CHST8: variants seen among roughly 807,000 people sequenced by gnomAD.
CHST8 encodes GALNAC-4-ST1.
In CHST8, 10 loss-of-function variants were observed where a neutral mutation model predicts 15.0. The observed-to-expected ratio is 0.67, with a 90% CI of 0.41 to 1.13. CHST8 has a LOEUF of 1.13. Among genes scored for constraint, CHST8 ranks in the 50% most tolerant of loss-of-function variants. The pLI, the probability that CHST8 is intolerant of heterozygous loss-of-function variation, is 0.00. For missense variants in CHST8, 634 were observed against 608.2 expected, an observed-to-expected ratio of 1.04 and a Z score of -0.45; for synonymous variants, 259 against 256.6, an observed-to-expected ratio of 1.01 and a Z score of -0.09.
At chr19:33,766,093 T>C (rs1010710311) in intron 3 of CHST8, among the ~76,000 whole-genome samples, 5 of 151,976 alleles carry the variant, frequency 3.3e-5, no homozygotes, top group African/African-American at 1.2e-4. Flanking sequence ...GCCCCCAGAA[T>C]CACATGAGCC....
At chr19:33,666,075 A>C (rs1469211542) in intron 1 of CHST8, among the ~76,000 whole-genome samples, 5 of 152,228 alleles carry the variant, frequency 3.3e-5, no homozygotes, top group Admixed American at 1.3e-4. Context: ...GGGCCTGAGA[A>C]AGAAGCAACG....
At chr19:33,704,422 C>T (rs1015124986) in intron 3 of CHST8, among the ~76,000 whole-genome samples, 9 of 152,150 alleles carry the variant, frequency 5.9e-5, no homozygotes, top group African/African-American at 2.2e-4. Context: ...ATCCATCAGA[C>T]AGTAGGCCTG....
intron 2 of CHST8, among the ~76,000 whole-genome samples, chr19:33,671,062 C>T (rs1972730460): frequency 6.6e-6 from 1 of 152,128 alleles, no homozygotes; most frequent in South Asian, 2.1e-4. Context: ...GTTTCTATTT[C>T]ACTCACATAT....
At chr19:33,688,181 A>G (rs1306707344) in intron 2 of CHST8, among the ~76,000 whole-genome samples, 1 of 152,198 alleles carries the variant, frequency 6.6e-6, no homozygotes, top group Non-Finnish European at 1.5e-5. Context: ...TGCCCTCTCT[A>G]CACACCACTG....
intron 3 of CHST8, among the ~76,000 whole-genome samples, chr19:33,743,331 T>G (rs2145343853): frequency 7.0e-6 from 1 of 141,914 alleles, no homozygotes; most frequent in South Asian, 2.3e-4. Flanking sequence ...AGACGGAGTC[T>G]CGCTGTTACC....
chr19:33,764,505 A>G (rs1156755582), intron 3 of CHST8, among the ~76,000 whole-genome samples: 1 of 152,076 alleles, frequency 6.6e-6, no homozygotes, highest in East Asian at 1.9e-4. Context: ...GTCTCTTCAA[A>G]CAACAAACAA....
rs571980217 is a variant in CHST8, at chr19:33,640,670, A to G, written c.-164+18374A>G. ...TGAAATGGACTCTAATGACAGTCGGAATTAATGTTCTGTTGCCAATAAATG... is the reference window on the plus strand; with the variant it reads ...TGAAATGGACTCTAATGACAGTCGGGATTAATGTTCTGTTGCCAATAAATG... On this transcript the variant is annotated intron_variant, in intron 1 of 4. Coordinates refer to ENST00000650847, the MANE Select transcript of CHST8 (RefSeq NM_001127895.2). 3.9e-5 allele frequency among the ~76,000 whole-genome samples: 6 copies of G among 152,330 alleles called. No homozygotes were observed. In the South Asian group the frequency reaches 1.0e-3, roughly 26 times the overall value.
At chr19:33,737,607 G>A (rs1974111319) in intron 3 of CHST8, among the ~76,000 whole-genome samples, 2 of 152,186 alleles carry the variant, frequency 1.3e-5, no homozygotes, top group Admixed American at 6.5e-5. Context: ...CAAGGCTGTG[G>A]GCATCTGTTT....
intron 2 of CHST8, chr19:33,684,754 G>A (rs1260375834): frequency 6.6e-6 from 1 of 152,172 alleles, no homozygotes; most frequent in Non-Finnish European, 1.5e-5. Context: ...ATGAGTTCCC[G>A]AGGCCAGGAG....
chr19:33,765,996 G>A (rs943533318), intron 3 of CHST8, among the ~76,000 whole-genome samples: 1 of 152,124 alleles, frequency 6.6e-6, no homozygotes, highest in African/African-American at 2.4e-5. Context: ...CCCCAAGTAG[G>A]AGGGAGTCTC....
chr19:33,728,521 G>A (rs1197005649), intron 3 of CHST8, among the ~76,000 whole-genome samples: 1 of 152,252 alleles, frequency 6.6e-6, no homozygotes, highest in Non-Finnish European at 1.5e-5. Flanking sequence ...GGCACATTCA[G>A]CCAAGCCTCA....
chr19:33,752,610 G>A (rs1007578535), intron 3 of CHST8, among the ~76,000 whole-genome samples: 2 of 152,108 alleles, frequency 1.3e-5, no homozygotes, highest in East Asian at 1.9e-4. Flanking sequence ...GACCCTTCCC[G>A]CCGCCCCACG....
chr19:33,754,598 C>T (rs1011130097), intron 3 of CHST8, among the ~76,000 whole-genome samples: 1 of 152,210 alleles, frequency 6.6e-6, no homozygotes, highest in African/African-American at 2.4e-5. Flanking sequence ...GGAGCTTTAG[C>T]TTGACTGGTG....
chr19:33,632,987 C>T (rs1480813302), intron 1 of CHST8, among the ~76,000 whole-genome samples: 1 of 151,940 alleles, frequency 6.6e-6, no homozygotes, highest in Non-Finnish European at 1.5e-5. Flanking sequence ...CGCACCACCA[C>T]ACCCAGCTAA....
chr19:33,672,182 A>T (rs1323149660), intron 2 of CHST8, among the ~76,000 whole-genome samples: 1 of 147,128 alleles, frequency 6.8e-6, no homozygotes, highest in African/African-American at 2.5e-5. Context: ...CATTGAAAGT[A>T]TTTCTTTTCT....
chr19:33,679,752 G>T (rs1345038818), intron 2 of CHST8, among the ~76,000 whole-genome samples: 1 of 152,166 alleles, frequency 6.6e-6, no homozygotes, highest in Non-Finnish European at 1.5e-5. Flanking sequence ...GTCTCTCTGG[G>T]TCTTCATTTC....
At chr19:33,639,960 C>A (rs560244900) in intron 1 of CHST8, among the ~76,000 whole-genome samples, 11 of 152,022 alleles carry the variant, frequency 7.2e-5, no homozygotes, top group Admixed American at 2.0e-4. Context: ...TGGCCTCAGC[C>A]TCCCAAGTAG....
chr19:33,649,433 C>T (rs528576759), intron 1 of CHST8, among the ~76,000 whole-genome samples: 11 of 152,204 alleles, frequency 7.2e-5, no homozygotes, highest in East Asian at 3.9e-4. Flanking sequence ...ACCTACAGGC[C>T]GGAAGCGCAG....
At chr19:33,630,090 C>T (rs944672860) in intron 1 of CHST8, among the ~76,000 whole-genome samples, 1 of 152,246 alleles carries the variant, frequency 6.6e-6, no homozygotes, top group African/African-American at 2.4e-5. Flanking sequence ...GGACAAGACT[C>T]ATCAGCCTAG....
Sources: gnomAD v4.1 joint callset for allele counts (sites outside exome capture counted in the v4.1 genomes callset) on GRCh38, gnomAD v4.1.1 for gene constraint, MANE v1.5 for transcripts, NCBI Gene and HGNC (gene_info 2026-07-23, HGNC 2026-07-21) for gene names.